LEKR1: variants seen among roughly 807,000 people sequenced by gnomAD.
The protein encoded by LEKR1 is protein LEKR1.
Under a neutral mutation model 72.4 loss-of-function variants are expected in LEKR1, and 59 were observed. The ratio of observed to expected loss-of-function variants is 0.82; its 90% CI spans 0.66 to 1.01. The LOEUF (loss-of-function observed/expected upper bound fraction) is 1.01. LEKR1 is among the 50% of genes least tolerant of loss of function. The probability of loss-of-function intolerance (pLI) is 0.00; values close to 1 mark genes in which losing one functional copy is unlikely to be tolerated. For synonymous variants in LEKR1, 257 were observed against 263.2 expected (o/e 0.98, Z 0.23); for missense variants, 728 against 759.2 (o/e 0.96, Z 0.48).
intron 5 of LEKR1, among the ~76,000 whole-genome samples, chr3:156,939,660 A>T: frequency 6.6e-6 from 1 of 152,320 alleles, no homozygotes; most frequent in Admixed American, 6.5e-5. Flanking sequence ...AGGTATGAGT[A>T]AAATATTTCC....
chr3:156,827,435 AT>A (rs1286714844), intron 1 of LEKR1, among the ~76,000 whole-genome samples: 2 of 152,204 alleles, frequency 1.3e-5, no homozygotes, highest in Non-Finnish European at 2.9e-5. Flanking sequence ...GGTTACCCCA[AT>A]TACCAGATGA....
At chr3:156,856,999 G>C (rs939520773) in intron 3 of LEKR1, among the ~76,000 whole-genome samples, 1 of 151,936 alleles carries the variant, frequency 6.6e-6, no homozygotes, top group Non-Finnish European at 1.5e-5. Context: ...CTAATGTAAT[G>C]CAATCCTGCC....
intron 3 of LEKR1, among the ~76,000 whole-genome samples, chr3:156,902,428 A>G (rs1044423989): frequency 9.9e-5 from 15 of 151,994 alleles, no homozygotes; most frequent in Non-Finnish European, 2.2e-4. Flanking sequence ...GCTGAGTTTC[A>G]CAATCAAAAT....
At chr3:157,016,153 G>C (rs1244728841) in intron 10 of LEKR1, among the ~76,000 whole-genome samples, 1 of 151,018 alleles carries the variant, frequency 6.6e-6, no homozygotes, top group East Asian at 1.9e-4. Flanking sequence ...AGACAGAAGA[G>C]GGAACAAAAA....
chr3:156,866,530 C>T (rs1256031186), intron 3 of LEKR1, among the ~76,000 whole-genome samples: 2 of 152,068 alleles, frequency 1.3e-5, no homozygotes, highest in African/African-American at 4.8e-5. Flanking sequence ...TGAAATGCCT[C>T]TCTCCAGACC....
chr3:157,042,871 A>T (rs1218414158), intron 12 of LEKR1, among the ~76,000 whole-genome samples: 8 of 152,238 alleles, frequency 5.3e-5, no homozygotes, highest in Non-Finnish European at 1.5e-5. Flanking sequence ...ATACTAATTT[A>T]TTGAAAACCA....
intron 5 of LEKR1, among the ~76,000 whole-genome samples, chr3:156,938,826 G>C (rs1339077076): frequency 6.6e-6 from 1 of 152,060 alleles, no homozygotes; most frequent in East Asian, 1.9e-4. Flanking sequence ...TGATAATAAG[G>C]TTATAGAGGT....
intron 6 of LEKR1, among the ~76,000 whole-genome samples, chr3:156,971,596 C>A (rs1337363550): frequency 2.0e-5 from 3 of 152,046 alleles, no homozygotes; most frequent in African/African-American, 4.8e-5. Context: ...ACTCATCTGA[C>A]AAAGGGCTAA....
chr3:156,836,821 A>G (rs778527582), intron 2 of LEKR1, among the ~76,000 whole-genome samples: 4 of 152,230 alleles, frequency 2.6e-5, no homozygotes, highest in Non-Finnish European at 5.9e-5. Flanking sequence ...AAGTCCCACA[A>G]GTATCCAACC....
In LEKR1 at chr3:156,925,675, C is replaced by T. The variant is rs564009687; in HGVS notation, c.384-1754C>T. On this transcript the variant is annotated intron_variant, in intron 4 of 12. Coordinates refer to ENST00000356539, the MANE Select transcript of LEKR1 (RefSeq NM_001004316.3). ...GTTCTGGGAGGGCTCCTGGTGAAAGCGAGATGAATGGGTTGTAATTTGGTT... is the reference window on the plus strand; with the variant it reads ...GTTCTGGGAGGGCTCCTGGTGAAAGTGAGATGAATGGGTTGTAATTTGGTT... 7.2e-5 allele frequency among the ~76,000 whole-genome samples: 11 copies of T among 152,060 alleles called. No individual in the cohort carries two copies. The East Asian group carries it at 9.6e-4, about 13-fold the overall frequency.
At chr3:157,041,847 C>T (rs1291146688) in intron 12 of LEKR1, among the ~76,000 whole-genome samples, 2 of 152,192 alleles carry the variant, frequency 1.3e-5, no homozygotes, top group Non-Finnish European at 2.9e-5. Context: ...AATTCTGCAA[C>T]AATCCAACCT....
At chr3:157,009,873 A>G (rs369460229) in intron 9 of LEKR1, among the ~76,000 whole-genome samples, 2 of 152,076 alleles carry the variant, frequency 1.3e-5, no homozygotes, top group East Asian at 1.9e-4. Context: ...AATTAAACTT[A>G]CCATAATTAT....
intron 1 of LEKR1, among the ~76,000 whole-genome samples, chr3:156,828,837 G>A (rs1711992821): frequency 6.6e-6 from 1 of 152,002 alleles, no homozygotes; most frequent in Admixed American, 6.6e-5. Context: ...CTCTTTTTCT[G>A]TATTTCATCA....
chr3:156,898,149 G>T (rs1381528585), intron 3 of LEKR1, among the ~76,000 whole-genome samples: 4 of 152,138 alleles, frequency 2.6e-5, no homozygotes, highest in Non-Finnish European at 5.9e-5. Context: ...CTTTACAGAT[G>T]CAAATTTTCC....
At chr3:156,853,644 T>G (rs1715668909) in intron 3 of LEKR1, among the ~76,000 whole-genome samples, 1 of 152,126 alleles carries the variant, frequency 6.6e-6, no homozygotes, top group East Asian at 1.9e-4. Context: ...GAATAACATG[T>G]CTGTGTAGTG....
chr3:157,016,463 C>A (rs1437330253), intron 10 of LEKR1, among the ~76,000 whole-genome samples: 1 of 151,978 alleles, frequency 6.6e-6, no homozygotes, highest in African/African-American at 2.4e-5. Flanking sequence ...GGAAAGCTGT[C>A]AACCTAGAAT....
At chr3:156,882,707 T>G (rs942684308) in intron 3 of LEKR1, among the ~76,000 whole-genome samples, 39 of 152,298 alleles carry the variant, frequency 2.6e-4, no homozygotes, top group South Asian at 6.2e-4. Context: ...GCACACGTAT[T>G]TTTATTGCGG....
chr3:157,020,156 G>C lies in LEKR1; in HGVS notation c.1204-4604G>C, dbSNP rs147234551. Among the ~76,000 whole-genome samples, 385 of 151,928 alleles carry C rather than the reference G, an allele frequency of 2.5e-3. 4 individuals are homozygous for C. The highest frequency in any genetic ancestry group is 8.8e-3 in the African/African-American group (363 of 41,450). ...AACAAGATCTTGCTTTCTAACTCGA[G>C]TAAAACAGAACATTCAGCTCATTCA... is the stretch of plus-strand genomic sequence containing the variant. On this transcript the variant is annotated intron_variant, in intron 10 of 12. Coordinates refer to ENST00000356539, the MANE Select transcript of LEKR1 (RefSeq NM_001004316.3).
intron 6 of LEKR1, among the ~76,000 whole-genome samples, chr3:156,951,007 A>C (rs13088978): frequency 0.51 from 76,790 of 151,394 alleles, 21,153 homozygotes; most frequent in East Asian, 0.73. Flanking sequence ...TGGGTTTGGC[A>C]TAGACAGCTC....
Sources: allele counts gnomAD v4.1 joint callset (sites outside exome capture counted in the v4.1 genomes callset), GRCh38; gene constraint gnomAD v4.1.1; transcripts MANE v1.5; gene names NCBI Gene and HGNC (gene_info 2026-07-23, HGNC 2026-07-21).